The following JMJD1C variants were observed in gnomAD, a reference collection of about 807,000 sequenced individuals.
The protein encoded by JMJD1C is jumonji domain-containing protein 1C.
In JMJD1C, 31 loss-of-function variants were observed where a neutral mutation model predicts 245.3. The ratio of observed to expected loss-of-function variants is 0.13; its 90% confidence interval spans 0.09 to 0.17. The LOEUF (loss-of-function observed/expected upper bound fraction) is 0.17, where lower values mean the gene tolerates loss of function less well. JMJD1C is among the 10% of genes least tolerant of loss of function. JMJD1C has a pLI of 1.00. For synonymous variants in JMJD1C, 1,057 were observed against 1,017.4 expected (o/e 1.04, Z -0.74); for missense variants, 2,691 against 3,000.2 (o/e 0.90, Z 2.41).
chr10:63,414,976 T>C (rs1949718346), intron 1 of JMJD1C, among the ~76,000 whole-genome samples: 1 of 146,906 alleles, frequency 6.8e-6, no homozygotes, highest in African/African-American at 2.5e-5. Flanking sequence ...TGACAAACAA[T>C]AGGTTGGTAT....
At chr10:63,195,248 G>A (rs1845312900) in intron 13 of JMJD1C, among the ~76,000 whole-genome samples, 1 of 151,634 alleles carries the variant, frequency 6.6e-6, no homozygotes, top group African/African-American at 2.4e-5. Context: ...AGCTACTTGG[G>A]AGGCTGAGGC....
chr10:63,454,289 T>C (rs1210045173), intron 1 of JMJD1C, among the ~76,000 whole-genome samples: 5 of 151,258 alleles, frequency 3.3e-5, no homozygotes, highest in Middle Eastern at 3.4e-3. Flanking sequence ...AGACTGAGTC[T>C]CCCTCTGTCA....
At chr10:63,495,233 C>T (rs1442461118) in intron 1 of JMJD1C, among the ~76,000 whole-genome samples, 2 of 151,074 alleles carry the variant, frequency 1.3e-5, no homozygotes, top group Non-Finnish European at 2.9e-5. Context: ...GATTCCAGGT[C>T]TGGGTCAGGA....
At position 63,186,257 on chromosome 10, in the gene JMJD1C, C is replaced by T. The variant is rs1441268103; in HGVS notation, c.6697G>A (p.Ala2233Thr). ...LNCKDSIISNANVKEFWDGFE... is the reference protein window; with the variant it reads ...LNCKDSIISNTNVKEFWDGFE... ...CCATCCCAGAATTCCTTAACATTGG[C>T]ATTTGAAATGATGCTATCTTTGCAG... is the stretch of plus-strand genomic sequence containing the variant. Residue 2233 changes from alanine to threonine, a missense_variant, in exon 19 of 26, where the codon GCC becomes ACC. By Grantham distance (58) the Ala-to-Thr change is moderately conservative. Transcript: ENST00000399262. 1 of 1,611,944 alleles carries T rather than the reference C, an allele frequency of 6.2e-7. No homozygotes were observed. The highest frequency in any genetic ancestry group is 1.1e-5 in the South Asian group (1 of 90,408).
intron 3 of JMJD1C, among the ~76,000 whole-genome samples, chr10:63,227,591 T>C (rs1039903184): frequency 3.3e-5 from 5 of 152,234 alleles, no homozygotes; most frequent in African/African-American, 1.2e-4. Context: ...GTGTGGCTTA[T>C]TAATGGAATG....
At chr10:63,194,242 G>A (rs1412436478) in intron 14 of JMJD1C, 44 bp downstream of exon 14, 2 of 1,201,458 alleles carry the variant, frequency 1.7e-6, no homozygotes, top group Non-Finnish European at 2.5e-6. Context: ...CCTTAATCTG[G>A]AGCAACCAAG....
chr10:63,402,680 T>C (rs2132600964), intron 1 of JMJD1C, among the ~76,000 whole-genome samples: 1 of 152,332 alleles, frequency 6.6e-6, no homozygotes, highest in Middle Eastern at 3.4e-3. Context: ...TACAACCATA[T>C]AATAAACATA....
chr10:63,362,914 C>T (rs1023292763), intron 2 of JMJD1C, among the ~76,000 whole-genome samples: 12 of 152,066 alleles, frequency 7.9e-5, no homozygotes, highest in Non-Finnish European at 1.2e-4. Context: ...GTGAGAGTGG[C>T]TTGGTGAGTA....
intron 10 of JMJD1C, 67 bp downstream of exon 10, chr10:63,206,528 C>T: frequency 7.9e-7 from 1 of 1,264,498 alleles, no homozygotes; most frequent in Admixed American, 2.4e-5. Flanking sequence ...ATCTTTAAAG[C>T]AGCACACTAG....
chr10:63,348,221 A>G (rs1007376505), intron 2 of JMJD1C, among the ~76,000 whole-genome samples: 8 of 133,454 alleles, frequency 6.0e-5, no homozygotes, highest in African/African-American at 2.1e-4. Context: ...AAAAAAAAAA[A>G]AGGCATTCAA....
At position 63,329,987 on chromosome 10, in the gene JMJD1C, G is replaced by A. The variant is rs111871359; in HGVS notation, c.333+50331C>T. 3.0e-3 allele frequency among the ~76,000 whole-genome samples: 463 copies of A among 152,298 alleles called. 2 individuals are homozygous for A. Among genetic ancestry groups the A allele is most frequent in the African/African-American group, 0.01 (430 of 41,560 alleles). ...ACAATCTAGGCTCACTGCAACCTCC[G>A]CCTCCTGGGTTCAAGAGATTCTCGT... On this transcript the variant is annotated intron_variant, in intron 2 of 25. Coordinates refer to ENST00000399262, the MANE Select transcript of JMJD1C (RefSeq NM_032776.3).
intron 2 of JMJD1C, among the ~76,000 whole-genome samples, chr10:63,368,281 G>C (rs570919401): frequency 6.6e-6 from 1 of 152,280 alleles, no homozygotes; most frequent in African/African-American, 2.4e-5. Flanking sequence ...ATTCTCAGGG[G>C]AAAGCAGTAC....
chr10:63,216,696 C>T (rs1002171307), intron 5 of JMJD1C, among the ~76,000 whole-genome samples: 8 of 151,586 alleles, frequency 5.3e-5, no homozygotes, highest in Admixed American at 2.0e-4. Flanking sequence ...GGCGACAGAG[C>T]GAGACTCCAG....
intron 2 of JMJD1C, among the ~76,000 whole-genome samples, chr10:63,375,930 G>GA (rs1234391399): frequency 6.6e-6 from 1 of 151,982 alleles, no homozygotes; most frequent in East Asian, 1.9e-4. Context: ...TGGAGAAAAA[G>GA]AAAAATCTCT....
At chr10:63,178,961 G>C (rs922769851) in intron 22 of JMJD1C, among the ~76,000 whole-genome samples, 1 of 152,136 alleles carries the variant, frequency 6.6e-6, no homozygotes, top group African/African-American at 2.4e-5. Flanking sequence ...GCCTAGCGGT[G>C]ATGTCTTGGC....
chr10:63,477,068 T>C lies in JMJD1C; in HGVS notation n.113+44670A>G, dbSNP rs547854414. On this transcript the variant is annotated intron_variant and non_coding_transcript_variant, in intron 1 of 3. Coordinates refer to the JMJD1C transcript ENST00000633035. ...ACTGTAGACCTCTCTCAAAAAGATATAGACTGAAGATCTAAATAAGTGGAG... is the reference window on the plus strand; with the variant it reads ...ACTGTAGACCTCTCTCAAAAAGATACAGACTGAAGATCTAAATAAGTGGAG... 9.2e-5 allele frequency among the ~76,000 whole-genome samples: 14 copies of C among 152,296 alleles called. No individual in the cohort carries two copies. In the South Asian group the frequency reaches 1.4e-3, roughly 16 times the overall value.
At chr10:63,325,617 A>T (rs1941414914) in intron 2 of JMJD1C, among the ~76,000 whole-genome samples, 1 of 152,200 alleles carries the variant, frequency 6.6e-6, no homozygotes, top group Admixed American at 6.6e-5. Context: ...AAACTCAAAA[A>T]AGGAGTAAAT....
In JMJD1C at chr10:63,427,491, G is replaced by A. The variant is rs937169230; in HGVS notation, c.168+38004C>T. ...CCAAGACCAACAGGATGTCCCACTG[G>A]GCCAAGCAACTGTTTCCTGCCAATG... On this transcript the variant is annotated intron_variant, in intron 1 of 25. Transcript: ENST00000399262. 6.3e-6 allele frequency: 8 copies of A among 1,277,292 alleles called. No individual in the cohort carries two copies. In the African/African-American group the frequency reaches 8.8e-5, roughly 14 times the overall value. 79.1% of individuals were successfully genotyped at this position (1,277,292 alleles called of 1,614,324 possible). A position where few individuals can be genotyped will look rare whatever the true frequency, so the allele number is the denominator to read the frequency against.
rs748267325 is a variant in JMJD1C, at chr10:63,465,880, T to C, written c.-218A>G. ...TTGGACTCCCAGATTCGCAGCCTTG[T>C]GCTGCAGCGCCACACAAGAAAACTG... is the stretch of plus-strand genomic sequence containing the variant. On this transcript the variant is annotated 5_prime_UTR_variant, in exon 1 of 26. Transcript: ENST00000399262. The C allele has an allele frequency of 4.3e-5, 29 of 674,088 alleles. 1 individual carries two copies. In the South Asian group the frequency reaches 4.4e-4, roughly 10 times the overall value. The allele number at this position is 674,088 out of a possible 1,614,324, so 41.8% of individuals were successfully genotyped here.
Sources: allele counts gnomAD v4.1 joint callset (sites outside exome capture counted in the v4.1 genomes callset), GRCh38; gene constraint gnomAD v4.1.1; transcripts MANE v1.5; gene names NCBI Gene and HGNC (gene_info 2026-07-23, HGNC 2026-07-21).